Variants in KAZN observed in about 807,000 individuals in gnomAD.
The protein encoded by KAZN is kazrin, periplakin interacting protein, also known as kazrin.
In KAZN, 40 loss-of-function variants were observed where a neutral mutation model predicts 87.4. That is an observed-to-expected ratio of 0.46 (90% CI 0.36 to 0.60). KAZN has a LOEUF of 0.60. Ranked by LOEUF, KAZN falls within the 20% of genes least tolerant of loss-of-function variation. The probability of loss-of-function intolerance (pLI) is 0.00; values close to 1 mark genes in which losing one functional copy is unlikely to be tolerated. For missense variants in KAZN, 898 were observed against 1,073.9 expected, an observed-to-expected ratio of 0.84 and a Z score of 2.29; for synonymous variants, 466 against 458.3, an observed-to-expected ratio of 1.02 and a Z score of -0.22.
intron 2 of KAZN, among the ~76,000 whole-genome samples, chr1:14,388,188 G>C (rs1379457956): frequency 6.6e-6 from 1 of 152,084 alleles, no homozygotes; most frequent in Non-Finnish European, 1.5e-5. Context: ...CACGGTGCGA[G>C]CACCCCCTGA....
chr1:14,740,874 A>C (rs760095630), intron 1 of KAZN, among the ~76,000 whole-genome samples: 2 of 152,222 alleles, frequency 1.3e-5, no homozygotes, highest in Non-Finnish European at 2.9e-5. Flanking sequence ...ATAACAGGGC[A>C]TTTGGAAATT....
upstream of KAZN, among the ~76,000 whole-genome samples, chr1:14,597,132 T>C (rs1288583127): frequency 6.6e-6 from 1 of 152,242 alleles, no homozygotes; most frequent in African/African-American, 2.4e-5. Context: ...GGTTTGCAGA[T>C]ACACTAAGCA....
chr1:14,155,720 G>T (rs944376463), intron 1 of KAZN, among the ~76,000 whole-genome samples: 2 of 151,916 alleles, frequency 1.3e-5, no homozygotes, highest in Non-Finnish European at 2.9e-5. Context: ...CACCATCTTG[G>T]CTCACTACAA....
chr1:14,432,720 T>C (rs1666143494), intron 2 of KAZN, among the ~76,000 whole-genome samples: 1 of 152,072 alleles, frequency 6.6e-6, no homozygotes, highest in African/African-American at 2.4e-5. Flanking sequence ...CTCTCTCCCC[T>C]TTCCCCACCC....
intron 2 of KAZN, among the ~76,000 whole-genome samples, chr1:14,453,024 C>T (rs1409929856): frequency 2.0e-5 from 3 of 152,164 alleles, no homozygotes; most frequent in Non-Finnish European, 2.9e-5. Context: ...GGCGCAATCT[C>T]GGCTCACTGC....
chr1:14,962,078 A>G (rs1250125232), intron 2 of KAZN, among the ~76,000 whole-genome samples: 1 of 152,344 alleles, frequency 6.6e-6, no homozygotes, highest in South Asian at 2.1e-4. Flanking sequence ...ACAGGGTAAA[A>G]GAGAGAATGG....
intron 1 of KAZN, among the ~76,000 whole-genome samples, chr1:14,032,691 C>G (rs1641379118): frequency 6.6e-6 from 1 of 152,166 alleles, no homozygotes; most frequent in African/African-American, 2.4e-5. Flanking sequence ...TCAGCTCTTC[C>G]AATGGACTGT....
In KAZN at chr1:15,036,289, T is replaced by TGCCCGCCCAGCTCCCC. The variant is rs1672287302; in HGVS notation, c.555+1404_555+1405insGCCCGCCCAGCTCCCC. On this transcript the variant is annotated intron_variant, in intron 3 of 14. Coordinates refer to ENST00000376030, the MANE Select transcript of KAZN (RefSeq NM_201628.3). ...CCCCTGCCCTGCCTACCCAGCTCCC[T>TGCCCGCCCAGCTCCCC]CTGCCCTGCCCGCCCAGCTCCCTCT... 4.0e-3 allele frequency among the ~76,000 whole-genome samples: 48 copies of TGCCCGCCCAGCTCCCC among 11,904 alleles called. 1 individual carries two copies. The highest frequency in any genetic ancestry group is 7.6e-3 in the East Asian group (6 of 794). 7.8% of individuals were successfully genotyped at this position (11,904 alleles called of 152,430 possible). A position where few individuals can be genotyped will look rare whatever the true frequency, so the allele number is the denominator to read the frequency against.
chr1:14,719,426 G>A (rs998657667), intron 1 of KAZN, among the ~76,000 whole-genome samples: 4 of 152,208 alleles, frequency 2.6e-5, no homozygotes, highest in Non-Finnish European at 4.4e-5. Flanking sequence ...ACTGTGTCCA[G>A]TGGTCTGTTA....
intron 1 of KAZN, among the ~76,000 whole-genome samples, chr1:14,117,301 G>T (rs1028173268): frequency 1.3e-5 from 2 of 152,086 alleles, no homozygotes; most frequent in Non-Finnish European, 2.9e-5. Context: ...AATCATGGGG[G>T]CAGGTCTTTC....
At position 14,112,994 on chromosome 1, in the gene KAZN, G is replaced by A. The variant is rs1215144038; in HGVS notation, c.92-67441G>A. On this transcript the variant is annotated intron_variant, in intron 1 of 16. Coordinates refer to the KAZN transcript ENST00000636203. Reference sequence around the variant, plus strand: ...CCTGGCTTTGATGGGCAAAGACTTTGCCCAAGTGTCTAAAGTGACACATCA... The same window carrying A: ...CCTGGCTTTGATGGGCAAAGACTTTACCCAAGTGTCTAAAGTGACACATCA... 2.6e-5 allele frequency among the ~76,000 whole-genome samples: 4 copies of A among 152,224 alleles called. 1 individual carries two copies. The highest frequency in any genetic ancestry group is 5.9e-5 in the Non-Finnish European group (4 of 68,042).
intron 2 of KAZN, among the ~76,000 whole-genome samples, chr1:14,508,184 T>C (rs1023489032): frequency 1.3e-5 from 2 of 152,146 alleles, no homozygotes; most frequent in Non-Finnish European, 2.9e-5. Context: ...TTGGAAGTGC[T>C]ACCCCAAGAG....
intron 2 of KAZN, among the ~76,000 whole-genome samples, chr1:14,423,389 AC>A (rs1420488434): frequency 6.6e-6 from 1 of 152,202 alleles, no homozygotes; most frequent in Non-Finnish European, 1.5e-5. Flanking sequence ...GTGATTTTAT[AC>A]TTTTTATTGT....
intron 1 of KAZN, among the ~76,000 whole-genome samples, chr1:14,825,773 C>T (rs549551070): frequency 2.0e-5 from 3 of 152,302 alleles, no homozygotes; most frequent in South Asian, 2.1e-4. Context: ...CCTTACCTTG[C>T]GTGTCATTGA....
chr1:14,137,476 G>C (rs1009546164), intron 1 of KAZN, among the ~76,000 whole-genome samples: 2 of 152,156 alleles, frequency 1.3e-5, no homozygotes, highest in African/African-American at 2.4e-5. Context: ...CAACACATGA[G>C]CTTTGGAGCC....
chr1:14,367,672 C>T (rs1660126620), intron 2 of KAZN, among the ~76,000 whole-genome samples: 2 of 152,136 alleles, frequency 1.3e-5, no homozygotes, highest in African/African-American at 4.8e-5. Flanking sequence ...CCCACCCCTT[C>T]TCTTCTTGGC....
chr1:14,819,543 G>A (rs1646673572), intron 1 of KAZN, among the ~76,000 whole-genome samples: 3 of 152,014 alleles, frequency 2.0e-5, no homozygotes, highest in Admixed American at 2.0e-4. Context: ...CCTCAAGACT[G>A]TAACGTGGAA....
intron 1 of KAZN, among the ~76,000 whole-genome samples, chr1:14,658,976 C>A (rs10927486): frequency 0.075 from 11,360 of 152,194 alleles, 1,428 homozygotes; most frequent in African/African-American, 0.26. Flanking sequence ...GAATGGCTCA[C>A]GCCTGTAATC....
intron 8 of KAZN, chr1:15,067,013 A>T (rs1356021322): frequency 2.0e-6 from 2 of 985,424 alleles, no homozygotes; most frequent in Non-Finnish European, 2.4e-6. Context: ...TCAGGGCAAG[A>T]CAGCCTGCCA....
Sources: allele counts gnomAD v4.1 joint callset (sites outside exome capture counted in the v4.1 genomes callset), GRCh38; gene constraint gnomAD v4.1.1; transcripts MANE v1.5; gene names NCBI Gene and HGNC (gene_info 2026-07-23, HGNC 2026-07-21).